CLIP4: variants seen among roughly 807,000 people sequenced by gnomAD.
The protein encoded by CLIP4 is CAP-Gly domain-containing linker protein 4.
A neutral mutation model predicts 73.1 loss-of-function variants in CLIP4; 47 were observed. The ratio of observed to expected loss-of-function variants is 0.64; its 90% confidence interval spans 0.51 to 0.82. The LOEUF (loss-of-function observed/expected upper bound fraction) is 0.82, where lower values mean the gene tolerates loss of function less well. Among genes scored for constraint, CLIP4 ranks in the 40% least tolerant of loss-of-function variants. The pLI is 0.00. For synonymous variants in CLIP4, 306 were observed against 295.4 expected, an observed-to-expected ratio of 1.04 and a Z score of -0.37; for missense variants, 874 against 852.9, an observed-to-expected ratio of 1.02 and a Z score of -0.31.
At chr2:29,157,981 C>A (rs983000297) in intron 11 of CLIP4, among the ~76,000 whole-genome samples, 1 of 152,088 alleles carries the variant, frequency 6.6e-6, no homozygotes, top group East Asian at 1.9e-4. Context: ...TTTAGTGCTT[C>A]TATTAATAGT....
At chr2:29,109,084 G>A (rs1668312196) in intron 1 of CLIP4, among the ~76,000 whole-genome samples, 1 of 152,162 alleles carries the variant, frequency 6.6e-6, no homozygotes, top group African/African-American at 2.4e-5. Context: ...TTTTTATTAT[G>A]CCTTACATTT....
rs1335977631 is a variant in CLIP4, at chr2:29,115,524, G to T, written c.-157G>T. The T allele has an allele frequency of 6.8e-6, 1 of 148,122 alleles. No homozygotes were observed. The highest frequency in any genetic ancestry group is 1.5e-5 in the Non-Finnish European group (1 of 66,434). The allele number at this position is 148,122 out of a possible 1,614,324, so 9.2% of individuals were successfully genotyped here. ...CCCCGCGTGGGAGGCAGCGGGAGGG[G>T]CCCGGAGAGGTGTGGAGCGGCGCGG... On this transcript the variant is annotated 5_prime_UTR_variant, in exon 1 of 16. Coordinates refer to ENST00000320081, the MANE Select transcript of CLIP4 (RefSeq NM_024692.6). This position sits in a 1 kb window ranked among gnomAD's most constrained non-coding sequence, Gnocchi z 5.1.
chr2:29,129,152 G>A (rs552573521), intron 2 of CLIP4, among the ~76,000 whole-genome samples: 1 of 152,242 alleles, frequency 6.6e-6, no homozygotes, highest in Non-Finnish European at 1.5e-5. Flanking sequence ...CTTAGAGATA[G>A]CAGAGGCTTA....
At chr2:29,145,094 T>A in intron 7 of CLIP4, 138 bp from the exon 8 acceptor site, 1 of 630,960 alleles carries the variant, frequency 1.6e-6, no homozygotes, top group Non-Finnish European at 2.7e-6. Flanking sequence ...AAAGGTAATG[T>A]TGAGAGAGCG....
At chr2:29,099,383 A>G (rs967294120) in intron 1 of CLIP4, among the ~76,000 whole-genome samples, 1 of 148,574 alleles carries the variant, frequency 6.7e-6, no homozygotes, top group Non-Finnish European at 1.5e-5. Flanking sequence ...TTTTTGTAAA[A>G]GGTGTAAGAT....
Position 29,115,421 on chromosome 2 carries a change from A to G in CLIP4, c.-260A>G, listed in dbSNP as rs1663713771. 1.3e-5 allele frequency: 2 copies of G among 150,546 alleles called. No individual in the cohort carries two copies. Among genetic ancestry groups the G allele is most frequent in the South Asian group, 4.1e-4 (2 of 4,820 alleles). 9.3% of individuals were successfully genotyped at this position (150,546 alleles called of 1,614,324 possible). The stretch of plus-strand genomic sequence containing the variant: ...GGCGCGCGCTGCCTCCTCCGTCCCC[A>G]CCGAGTCCCCAGCGCGTGCGCGGGG... On this transcript the variant is annotated 5_prime_UTR_variant, in exon 1 of 16. Transcript: ENST00000320081. The surrounding 1 kb of genome is among the most constrained non-coding windows in gnomAD (Gnocchi z 5.1).
At chr2:29,181,508 A>G in intron 15 of CLIP4, 64 bp from the exon 16 acceptor site, 1 of 1,262,532 alleles carries the variant, frequency 7.9e-7, no homozygotes, top group South Asian at 1.5e-5. Flanking sequence ...GGAAATGAAT[A>G]TGATGCATTG....
At chr2:29,105,937 A>G (rs1668191185) in intron 1 of CLIP4, among the ~76,000 whole-genome samples, 1 of 152,192 alleles carries the variant, frequency 6.6e-6, no homozygotes, top group African/African-American at 2.4e-5. Context: ...ATGGCATTCC[A>G]TGACAGCAGC....
At chr2:29,107,704 C>G (rs1006098133) in intron 1 of CLIP4, among the ~76,000 whole-genome samples, 6 of 151,898 alleles carry the variant, frequency 4.0e-5, no homozygotes, top group Non-Finnish European at 8.8e-5. Flanking sequence ...GAGATGGGGT[C>G]TCACTATGCT....
In CLIP4 at chr2:29,163,843, G is replaced by A; in HGVS notation, c.1547G>A (p.Gly516Asp). The A allele has an allele frequency of 6.2e-7, 1 of 1,613,494 alleles. No homozygotes were observed. Among genetic ancestry groups the A allele is most frequent in the Non-Finnish European group, 8.5e-7 (1 of 1,179,582 alleles). Residue 516 changes from glycine (G) to aspartate (D), a missense_variant, in exon 13 of 16, where the codon GGT (glycine) becomes GAT (aspartate). Gly to Asp is a moderately conservative substitution (Grantham distance 94, BLOSUM62 -1). Coordinates refer to ENST00000320081, the MANE Select transcript of CLIP4 (RefSeq NM_024692.6). The part of the protein sequence containing the change: ...TTNFAPGYWY[G>D]IELEKPHGKN... Reference sequence around the variant, plus strand: ...ATTCATGTTCTAGGATATTGGTATGGTATAGAGCTTGAAAAACCCCATGGC... The same window carrying A: ...ATTCATGTTCTAGGATATTGGTATGATATAGAGCTTGAAAAACCCCATGGC...
intron 15 of CLIP4, among the ~76,000 whole-genome samples, chr2:29,174,963 C>T (rs906063687): frequency 2.6e-5 from 4 of 152,172 alleles, no homozygotes; most frequent in South Asian, 4.1e-4. Context: ...CACTTCACTA[C>T]CCCCCATTGG....
chr2:29,167,800 T>C (rs562738311), intron 14 of CLIP4: 51 of 312,678 alleles, frequency 1.6e-4, no homozygotes, highest in Non-Finnish European at 2.1e-4. Context: ...GAGTCTTGAA[T>C]TGTACATTAA....
chr2:29,122,879 T>G (rs1664360045), intron 2 of CLIP4, among the ~76,000 whole-genome samples: 1 of 151,584 alleles, frequency 6.6e-6, no homozygotes, highest in Non-Finnish European at 1.5e-5. Context: ...TATAGGTTTT[T>G]GTAGACTCTT....
chr2:29,125,291 C>T (rs1226790948), intron 2 of CLIP4, among the ~76,000 whole-genome samples: 1 of 152,152 alleles, frequency 6.6e-6, no homozygotes, highest in Non-Finnish European at 1.5e-5. Flanking sequence ...TTCAATCTTC[C>T]TTGTGAGAAT....
At chr2:29,107,358 G>GTTTTTTTTTGTTTTTTTTTTTTTTTTTTT (rs1558504865) in intron 1 of CLIP4, among the ~76,000 whole-genome samples, 1 of 65,352 alleles carries the variant, frequency 1.5e-5, no homozygotes, top group Non-Finnish European at 3.0e-5. Context: ...GAACATGATA[G>GTTTTTTTTTGTTTTTTTTTTTTTTTTTTT]TTTTTTTTTT....
intron 11 of CLIP4, 163 bp downstream of exon 11, chr2:29,157,510 T>A: frequency 9.6e-7 from 1 of 1,044,322 alleles, no homozygotes; most frequent in Non-Finnish European, 1.4e-6. Flanking sequence ...CCTTAAGGTC[T>A]CTTTGTTTTG....
chr2:29,146,419 G>T (rs1666169602), intron 8 of CLIP4, among the ~76,000 whole-genome samples: 2 of 152,148 alleles, frequency 1.3e-5, no homozygotes, highest in Non-Finnish European at 2.9e-5. Flanking sequence ...ACTCTGCGAG[G>T]TTTCTTTCTC....
Position 29,181,761 on chromosome 2 carries a change from G to A in CLIP4, c.1986G>A (p.Lys662=), listed in dbSNP as rs1668659193. 1 of 1,614,148 alleles carries A rather than the reference G, an allele frequency of 6.2e-7. No individual in the cohort carries two copies. The highest frequency in any genetic ancestry group is 8.5e-7 in the Non-Finnish European group (1 of 1,180,016). ...TTGGACTTGAGCTCCGAAGCGCCAA[G>A]GGAAAAAATGATGGGTCAGTGGGTG... The part of the protein sequence containing the change: ...IWLGLELRSA[K]GKNDGSVGDK... The change falls in exon 16 of 16, where the codon AAG becomes AAA. Residue 662 remains lysine (K), a synonymous_variant. Coordinates refer to ENST00000320081, the MANE Select transcript of CLIP4 (RefSeq NM_024692.6).
intron 7 of CLIP4, 70 bp downstream of exon 7, chr2:29,144,015 ATGGT>A: frequency 1.8e-5 from 13 of 707,064 alleles, no homozygotes; most frequent in Non-Finnish European, 2.3e-5. Flanking sequence ...AGGACACAGT[ATGGT>A]CAGAGTTTTG....
Sources: allele counts gnomAD v4.1 joint callset (sites outside exome capture counted in the v4.1 genomes callset), GRCh38; gene constraint gnomAD v4.1.1; non-coding constraint Gnocchi (gnomAD v3.1); transcripts MANE v1.5; gene names NCBI Gene and HGNC (gene_info 2026-07-23, HGNC 2026-07-21).